The following UGT1A10 variants were observed in gnomAD, a reference collection of about 807,000 sequenced individuals.
UGT1A10 encodes UDP glucuronosyltransferase family 1 member A10.
Under a neutral mutation model 45.8 loss-of-function variants are expected in UGT1A10, and 49 were observed. The ratio of observed to expected loss-of-function variants is 1.07; its 90% CI spans 0.85 to 1.36. UGT1A10 has a LOEUF of 1.36. Ranked by LOEUF, UGT1A10 falls within the 40% of genes most tolerant of loss-of-function variation. The pLI, the probability that UGT1A10 is intolerant of heterozygous loss-of-function variation, is 0.00. For synonymous variants in UGT1A10, 284 were observed against 249.7 expected (o/e 1.14, Z -1.29); for missense variants, 745 against 668.6 (o/e 1.11, Z -1.26).
intron 1 of UGT1A10, among the ~76,000 whole-genome samples, chr2:233,671,297 G>A (rs1282549359): frequency 6.6e-6 from 1 of 152,156 alleles, no homozygotes; most frequent in Non-Finnish European, 1.5e-5. Flanking sequence ...AATAGGAGAC[G>A]GTTACTTTCC....
intron 1 of UGT1A10, among the ~76,000 whole-genome samples, chr2:233,749,081 G>A (rs958459779): frequency 6.6e-6 from 1 of 151,758 alleles, no homozygotes; most frequent in African/African-American, 2.4e-5. Flanking sequence ...TCCTTGGTGT[G>A]CCATGTATTT....
chr2:233,772,281 C>A lies in UGT1A10; in HGVS notation c.1315C>A (p.Arg439Ser). Residue 439 changes from arginine to serine, a missense_variant, in exon 5 of 5, where the codon CGC becomes AGC. By Grantham distance (110) the Arg-to-Ser change is moderately radical. Transcript: ENST00000344644. ...NDKSYKENIMRLSSLHKDRPV... is the reference protein window; with the variant it reads ...NDKSYKENIMSLSSLHKDRPV... ...GTTTAGTTACAAGGAGAACATCATGCGCCTCTCCAGCCTTCACAAGGACCG... is the reference window on the plus strand; with the variant it reads ...GTTTAGTTACAAGGAGAACATCATGAGCCTCTCCAGCCTTCACAAGGACCG... 6.2e-7 allele frequency: 1 copy of A among 1,614,202 alleles called. No individual in the cohort carries two copies. The highest frequency in any genetic ancestry group is 1.7e-5 in the Admixed American group (1 of 60,028).
chr2:233,767,224 C>G (rs1699341321), intron 2 of UGT1A10, 59 bp downstream of exon 2: 2 of 1,610,498 alleles, frequency 1.2e-6, no homozygotes, highest in Non-Finnish European at 1.7e-6. Context: ...TAATCCCAGA[C>G]TTCCAGCTTC....
intron 1 of UGT1A10, among the ~76,000 whole-genome samples, chr2:233,761,780 C>T (rs762414530): frequency 3.3e-5 from 5 of 152,172 alleles, no homozygotes; most frequent in African/African-American, 9.7e-5. Flanking sequence ...ACATCCTCAT[C>T]GAAATCTCAG....
At chr2:233,663,953 T>C (rs185718152) in intron 1 of UGT1A10, among the ~76,000 whole-genome samples, 1 of 152,316 alleles carries the variant, frequency 6.6e-6, no homozygotes, top group East Asian at 1.9e-4. Context: ...TCTTTGTCCT[T>C]GCATCTAAGT....
intron 1 of UGT1A10, among the ~76,000 whole-genome samples, chr2:233,695,289 C>A (rs1480722237): frequency 6.6e-6 from 1 of 151,960 alleles, no homozygotes; most frequent in Non-Finnish European, 1.5e-5. Context: ...CCATTCCCAG[C>A]TAATTTTTGC....
At chr2:233,647,954 C>T (rs2073644046) in intron 1 of UGT1A10, 2 of 1,606,870 alleles carry the variant, frequency 1.2e-6, no homozygotes, top group African/African-American at 1.3e-5. Context: ...CACTGGTTCA[C>T]CATGTGGTCG....
chr2:233,768,127 A>G, intron 3 of UGT1A10, 93 bp from the exon 4 acceptor site: 1 of 1,605,192 alleles, frequency 6.2e-7, no homozygotes, highest in Admixed American at 1.7e-5. Flanking sequence ...TGTGAGTAAC[A>G]CTGAGTCTTT....
intron 1 of UGT1A10, among the ~76,000 whole-genome samples, chr2:233,647,334 A>C (rs537305829): frequency 1.3e-5 from 2 of 152,154 alleles, no homozygotes; most frequent in Admixed American, 1.3e-4. Flanking sequence ...GGTCATGAGG[A>C]TCTGTAGTTT....
At chr2:233,681,395 A>T (rs4530361) in intron 1 of UGT1A10, among the ~76,000 whole-genome samples, 1 of 151,480 alleles carries the variant, frequency 6.6e-6, no homozygotes, top group African/African-American at 2.4e-5. Flanking sequence ...TTAGCTGGGC[A>T]TGGCAGCGTG....
chr2:233,686,769 A>C (rs1014972811), intron 1 of UGT1A10, among the ~76,000 whole-genome samples: 3 of 152,078 alleles, frequency 2.0e-5, no homozygotes, highest in Non-Finnish European at 4.4e-5. Context: ...TATTTTATGC[A>C]ACACTCCAAC....
chr2:233,669,638 A>AC (rs1332485163), intron 1 of UGT1A10, among the ~76,000 whole-genome samples: 1 of 152,026 alleles, frequency 6.6e-6, no homozygotes, highest in Non-Finnish European at 1.5e-5. Context: ...TGAGGTACCA[A>AC]CCCCCGAGCA....
At chr2:233,740,478 C>T (rs1295883834) in intron 1 of UGT1A10, among the ~76,000 whole-genome samples, 1 of 151,898 alleles carries the variant, frequency 6.6e-6, no homozygotes, top group African/African-American at 2.4e-5. Flanking sequence ...AAGGATCATT[C>T]CCTCTTCCAG....
At chr2:233,770,172 C>T (rs1423898703) in intron 4 of UGT1A10, 4 of 152,218 alleles carry the variant, frequency 2.6e-5, no homozygotes, top group African/African-American at 9.7e-5. Flanking sequence ...TCAATGAGCT[C>T]AACTTATTAA....
chr2:233,743,460 A>AC, intron 1 of UGT1A10: 1 of 1,365,926 alleles, frequency 7.3e-7, no homozygotes. Context: ...AAGAAAAAAC[A>AC]CCCCCAAAAG....
intron 1 of UGT1A10, among the ~76,000 whole-genome samples, chr2:233,685,060 G>A (rs13002774): frequency 0.39 from 59,158 of 151,910 alleles, 11,718 homozygotes; most frequent in South Asian, 0.45. Context: ...CTTAAGCTCT[G>A]CACAGGAGAT....
intron 1 of UGT1A10, among the ~76,000 whole-genome samples, chr2:233,639,318 C>A (rs995960728): frequency 1.3e-5 from 2 of 151,948 alleles, no homozygotes; most frequent in African/African-American, 2.4e-5. Context: ...TATGATTATA[C>A]CTGTAAAGGC....
intron 1 of UGT1A10, among the ~76,000 whole-genome samples, chr2:233,757,535 AATATATATATATATAT>A (rs67292694): frequency 2.3e-5 from 2 of 88,312 alleles, no homozygotes; most frequent in Non-Finnish European, 4.4e-5. Context: ...GCCTGTAAGG[AATATATATATATATAT>A]ATATATATAT....
intron 1 of UGT1A10, among the ~76,000 whole-genome samples, chr2:233,724,293 C>T (rs1226718888): frequency 6.7e-5 from 9 of 135,040 alleles, no homozygotes; most frequent in East Asian, 2.4e-4. Context: ...GGGGGCTGAC[C>T]CCCCCACCTC....
Sources: allele counts gnomAD v4.1 joint callset (sites outside exome capture counted in the v4.1 genomes callset), GRCh38; gene constraint gnomAD v4.1.1; transcripts MANE v1.5; gene names NCBI Gene and HGNC (gene_info 2026-07-23, HGNC 2026-07-21).